Variants in SFI1 observed in about 807,000 individuals in gnomAD.
SFI1 encodes the protein SFI1 centrin binding protein.
A neutral mutation model predicts 207.5 loss-of-function variants in SFI1; 195 were observed. The observed-to-expected ratio is 0.94, with a 90% confidence interval of 0.84 to 1.06. SFI1 has a LOEUF of 1.06. Among genes scored for constraint, SFI1 ranks in the 50% least tolerant of loss-of-function variants. The pLI, the probability that SFI1 is intolerant of heterozygous loss-of-function variation, is 0.00. For synonymous variants in SFI1, 630 were observed against 598.9 expected, an observed-to-expected ratio of 1.05 and a Z score of -0.76; for missense variants, 1,634 against 1,588.0, an observed-to-expected ratio of 1.03 and a Z score of -0.49.
At chr22:31,555,074 G>A (rs1356944858) in intron 6 of SFI1, among the ~76,000 whole-genome samples, 1 of 152,060 alleles carries the variant, frequency 6.6e-6, no homozygotes, top group African/African-American at 2.4e-5. Flanking sequence ...TTGTTCTGTG[G>A]CCCCAAATAT....
intron 2 of SFI1, among the ~76,000 whole-genome samples, chr22:31,520,815 G>A (rs5753673): frequency 1.3e-5 from 2 of 150,034 alleles, no homozygotes; most frequent in Admixed American, 6.7e-5. Flanking sequence ...GAGCAACATA[G>A]TAAGACCCCG....
At chr22:31,582,234 A>AT (rs2064379763) in intron 12 of SFI1, among the ~76,000 whole-genome samples, 20 of 20,508 alleles carry the variant, frequency 9.8e-4, no homozygotes, top group African/African-American at 1.0e-3. Context: ...ATATATATAT[A>AT]TATTTTTTTT....
At chr22:31,546,009 C>G (rs542945810) in intron 4 of SFI1, among the ~76,000 whole-genome samples, 2 of 151,416 alleles carry the variant, frequency 1.3e-5, no homozygotes, top group Admixed American at 6.6e-5. Flanking sequence ...CCTCCCACCT[C>G]AGCCTCCCAG....
rs1439381501 is a variant in SFI1, at chr22:31,583,873, A to G, written c.1249-2A>G. 1.2e-6 allele frequency: 2 copies of G among 1,613,584 alleles called. No individual in the cohort carries two copies. Among genetic ancestry groups the G allele is most frequent in the Non-Finnish European group, 1.7e-6 (2 of 1,179,706 alleles). The stretch of plus-strand genomic sequence containing the variant: ...TTCCATCTTCTTCCTCCCTTGCTTT[A>G]GCTGCTGCACAGGTTCTGGAACCTC... On this transcript the variant is annotated splice_acceptor_variant, in intron 12 of 32. Transcript: ENST00000400288. LOFTEE classifies it high-confidence loss of function.
At chr22:31,568,161 ATATATG>A (rs1163553069) in intron 8 of SFI1, among the ~76,000 whole-genome samples, 1 of 119,492 alleles carries the variant, frequency 8.4e-6, no homozygotes, top group African/African-American at 3.6e-5. Context: ...CTCTCTATAT[ATATATG>A]TGTGTGTGTG....
At chr22:31,498,785 G>A (rs543920093) in intron 1 of SFI1, among the ~76,000 whole-genome samples, 46 of 152,174 alleles carry the variant, frequency 3.0e-4, no homozygotes, top group African/African-American at 1.1e-3. Flanking sequence ...GAATTAGAAG[G>A]GGAGCCTAAA....
chr22:31,589,884 TGAA>T (rs1162001847), intron 15 of SFI1, among the ~76,000 whole-genome samples: 2 of 151,954 alleles, frequency 1.3e-5, no homozygotes, highest in African/African-American at 4.8e-5. Flanking sequence ...AACATATACA[TGAA>T]GAGACTTATT....
intron 1 of SFI1, among the ~76,000 whole-genome samples, chr22:31,502,820 C>T (rs769443095): frequency 2.6e-5 from 4 of 151,854 alleles, no homozygotes; most frequent in Non-Finnish European, 4.4e-5. Context: ...TTAAGTGTAA[C>T]TGAGAGATTA....
At chr22:31,529,730 G>C (rs757651671) in intron 3 of SFI1, among the ~76,000 whole-genome samples, 1 of 152,164 alleles carries the variant, frequency 6.6e-6, no homozygotes, top group East Asian at 1.9e-4. Context: ...CAAATACGGC[G>C]AGAACAGCCA....
chr22:31,570,602 G>A lies in SFI1; in HGVS notation c.766-2456G>A, dbSNP rs146288741. Among the ~76,000 whole-genome samples the A allele has an allele frequency of 3.4e-3, 518 of 152,264 alleles. 3 individuals carry two copies. The highest frequency in any genetic ancestry group is 0.012 in the South Asian group (59 of 4,828). On this transcript the variant is annotated intron_variant, in intron 8 of 32. Transcript: ENST00000400288. ...GGAGTTCTTAGTAGGCAGATGGTAT[G>A]TAAAGTTACTAGAGTGAGCGGGGTG...
chr22:31,506,441 G>C (rs1412335348), intron 1 of SFI1, among the ~76,000 whole-genome samples: 1 of 152,126 alleles, frequency 6.6e-6, no homozygotes, highest in Admixed American at 6.6e-5. Flanking sequence ...GGAAAAATAA[G>C]AAATCTTGGC....
intron 8 of SFI1, 89 bp from the exon 9 acceptor site, chr22:31,572,969 G>T: frequency 7.4e-7 from 1 of 1,346,414 alleles, no homozygotes; most frequent in Non-Finnish European, 1.0e-6. Context: ...CCTTTCCAGC[G>T]TGTGTGCCTT....
Position 31,587,154 on chromosome 22 carries a change from C to CT in SFI1, c.1413+2027dup, listed in dbSNP as rs762082496. Among the ~76,000 whole-genome samples the CT allele has an allele frequency of 2.7e-3, 405 of 152,134 alleles. 5 individuals carry two copies. The highest frequency in any genetic ancestry group is 3.2e-3 in the Non-Finnish European group (219 of 67,998). On this transcript the variant is annotated intron_variant, in intron 14 of 32. Transcript: ENST00000400288. Reference sequence around the variant, plus strand: ...GTGTCTGTACTGAACATATTCAGACCTTTTTTTCTTGTCATTAGCCCCTAA... The same window carrying CT: ...GTGTCTGTACTGAACATATTCAGACCTTTTTTTTCTTGTCATTAGCCCCTAA...
chr22:31,555,930 G>A (rs1333364239), intron 6 of SFI1, among the ~76,000 whole-genome samples: 5 of 152,132 alleles, frequency 3.3e-5, no homozygotes, highest in African/African-American at 1.2e-4. Context: ...CTTGGAGGCT[G>A]TCCTAAAAAT....
chr22:31,606,701 T>TC (rs1394513420), intron 21 of SFI1: 2 of 229,710 alleles, frequency 8.7e-6, no homozygotes, highest in East Asian at 8.7e-5. Context: ...TTCTTTTTTT[T>TC]TTTTTTTTTT....
chr22:31,596,859 T>C (rs949835784), intron 15 of SFI1, among the ~76,000 whole-genome samples: 1 of 151,788 alleles, frequency 6.6e-6, no homozygotes, highest in Non-Finnish European at 1.5e-5. Flanking sequence ...GCTTCAGTAC[T>C]GAAGACACGC....
chr22:31,568,192 TGTTGTGTGTG>T (rs2062553555), intron 8 of SFI1, among the ~76,000 whole-genome samples: 4 of 72,544 alleles, frequency 5.5e-5, no homozygotes, highest in Non-Finnish European at 1.2e-4. Flanking sequence ...TGTGTGTGTG[TGTTGTGTGTG>T]TGTGTGTGTA....
Position 31,513,427 on chromosome 22 carries a change from A to G in SFI1, c.92+5051A>G, listed in dbSNP as rs118158043. ...GCCCCTCCCAAAGTGCTCAGACTAC[A>G]GGCGTTAGATGCTGCACCCAGCCTT... On this transcript the variant is annotated intron_variant, in intron 2 of 32. Transcript: ENST00000400288. Among the ~76,000 whole-genome samples the G allele has an allele frequency of 1.9e-3, 293 of 152,276 alleles. 6 individuals carry two copies. The East Asian group carries it at 0.049, about 25-fold the overall frequency.
At chr22:31,589,145 G>A (rs2065444971) in intron 14 of SFI1, among the ~76,000 whole-genome samples, 1 of 152,136 alleles carries the variant, frequency 6.6e-6, no homozygotes, top group Non-Finnish European at 1.5e-5. Flanking sequence ...CAGTGAAACA[G>A]GTAATGGGTA....
Sources: allele counts gnomAD v4.1 joint callset (sites outside exome capture counted in the v4.1 genomes callset), GRCh38; gene constraint gnomAD v4.1.1; transcripts MANE v1.5; gene names NCBI Gene and HGNC (gene_info 2026-07-23, HGNC 2026-07-21).